Variants in HS2ST1 observed in about 807,000 individuals in gnomAD.
HS2ST1 encodes the protein 2-O-sulfotransferase.
Under a neutral mutation model 42.9 loss-of-function variants are expected in HS2ST1, and 18 were observed. That is an observed-to-expected ratio of 0.42 (90% CI 0.29 to 0.62). The LOEUF (loss-of-function observed/expected upper bound fraction) is 0.62, where lower values mean the gene tolerates loss of function less well. HS2ST1 is among the 20% of genes least tolerant of loss of function. The pLI is 0.21. For synonymous variants in HS2ST1, 146 were observed against 152.9 expected (o/e 0.95, Z 0.33); for missense variants, 334 against 433.8 (o/e 0.77, Z 2.04).
At chr1:87,022,419 A>G (rs1649976031) in intron 1 of HS2ST1, among the ~76,000 whole-genome samples, 1 of 152,216 alleles carries the variant, frequency 6.6e-6, no homozygotes, top group Non-Finnish European at 1.5e-5. Context: ...GCACCATAAA[A>G]AACACAGAGC....
In HS2ST1 at chr1:87,045,509, C is replaced by T. The variant is rs528856947; in HGVS notation, c.125-27425C>T. 11 of 878,878 alleles carry T rather than the reference C, an allele frequency of 1.3e-5. No individual in the cohort carries two copies. The African/African-American group carries it at 1.3e-4, about 10-fold the overall frequency. 54.4% of individuals were successfully genotyped at this position (878,878 alleles called of 1,614,324 possible). On this transcript the variant is annotated intron_variant, in intron 1 of 6. Coordinates refer to ENST00000370550, the MANE Select transcript of HS2ST1 (RefSeq NM_012262.4). ...GACATTCAGCCGTACAGTCACCTGG[C>T]TTGCTGGCACATATGTAACAATTGG... is the stretch of plus-strand genomic sequence containing the variant.
chr1:87,013,141 C>T (rs1297864925), intron 1 of HS2ST1, among the ~76,000 whole-genome samples: 1 of 152,192 alleles, frequency 6.6e-6, no homozygotes, highest in Non-Finnish European at 1.5e-5. Context: ...GTAGGTAGTT[C>T]CCCAGTGGGG....
At chr1:87,009,031 A>G (rs1280153885) in intron 1 of HS2ST1, among the ~76,000 whole-genome samples, 4 of 152,026 alleles carry the variant, frequency 2.6e-5, no homozygotes, top group Non-Finnish European at 1.5e-5. Context: ...TTCTCTAGAG[A>G]TGAGATTTTA....
intron 1 of HS2ST1, chr1:87,045,495 G>T: frequency 3.3e-6 from 3 of 917,856 alleles, no homozygotes; most frequent in Admixed American, 1.7e-5. Flanking sequence ...ACATTCAGCC[G>T]TACAGTCACC....
At chr1:86,951,708 C>G (rs1261349398) in intron 1 of HS2ST1, among the ~76,000 whole-genome samples, 1 of 152,186 alleles carries the variant, frequency 6.6e-6, no homozygotes, top group African/African-American at 2.4e-5. Flanking sequence ...TTAGATTTCT[C>G]TGTAGCACGG....
intron 1 of HS2ST1, among the ~76,000 whole-genome samples, chr1:86,971,302 AC>A (rs1648226429): frequency 2.6e-5 from 4 of 152,042 alleles, no homozygotes; most frequent in African/African-American, 9.7e-5. Context: ...ACAAAACAAA[AC>A]AAAACAAAAC....
At chr1:86,966,299 T>C (rs1310329042) in intron 1 of HS2ST1, among the ~76,000 whole-genome samples, 1 of 152,154 alleles carries the variant, frequency 6.6e-6, no homozygotes, top group East Asian at 1.9e-4. Flanking sequence ...AATACTACAA[T>C]ATGCTTCTCT....
At chr1:87,002,159 G>A (rs567713042) in intron 1 of HS2ST1, among the ~76,000 whole-genome samples, 42 of 148,086 alleles carry the variant, frequency 2.8e-4, no homozygotes, top group Admixed American at 9.4e-4. Flanking sequence ...TGATCCACCC[G>A]CTTCAGCCTC....
chr1:86,944,490 A>G (rs1023022433), intron 1 of HS2ST1, among the ~76,000 whole-genome samples: 1 of 151,858 alleles, frequency 6.6e-6, no homozygotes, highest in Admixed American at 6.6e-5. Flanking sequence ...GAGTAGCTGG[A>G]ATTATAGGTG....
intron 1 of HS2ST1, among the ~76,000 whole-genome samples, chr1:87,060,326 G>A (rs769835185): frequency 6.6e-6 from 1 of 151,836 alleles, no homozygotes; most frequent in African/African-American, 2.4e-5. Context: ...ATTTTAAAAG[G>A]CATTTGCAAA....
intron 1 of HS2ST1, among the ~76,000 whole-genome samples, chr1:86,925,956 G>A (rs1660408362): frequency 6.6e-6 from 1 of 152,070 alleles, no homozygotes; most frequent in Admixed American, 6.5e-5. Flanking sequence ...ATTTTACCTT[G>A]CTAGGTCCTG....
intron 1 of HS2ST1, among the ~76,000 whole-genome samples, chr1:86,916,042 CT>C (rs1185881079): frequency 6.6e-6 from 1 of 152,038 alleles, no homozygotes; most frequent in African/African-American, 2.4e-5. Flanking sequence ...ATGAGGGGGT[CT>C]AAAGTACAAA....
At chr1:86,965,797 A>T (rs1403380675) in intron 1 of HS2ST1, among the ~76,000 whole-genome samples, 1 of 152,202 alleles carries the variant, frequency 6.6e-6, no homozygotes, top group Non-Finnish European at 1.5e-5. Context: ...AATAGCATTA[A>T]AGTTAGAAAT....
In HS2ST1 at chr1:87,106,216, G is replaced by A. The variant is rs955627318; in HGVS notation, c.*1520G>A. Reference sequence around the variant, plus strand: ...TTAATCTTGATATAAATTTGTGTTTGATAAATATCCTCTCAGTGTTTTATC... The same window carrying A: ...TTAATCTTGATATAAATTTGTGTTTAATAAATATCCTCTCAGTGTTTTATC... On this transcript the variant is annotated 3_prime_UTR_variant, in exon 7 of 7. Coordinates refer to ENST00000370550, the MANE Select transcript of HS2ST1 (RefSeq NM_012262.4). The A allele has an allele frequency of 5.9e-5, 9 of 152,428 alleles. No homozygotes were observed. Among genetic ancestry groups the A allele is most frequent in the African/African-American group, 1.9e-4 (8 of 41,412 alleles). 9.4% of individuals were successfully genotyped at this position (152,428 alleles called of 1,614,324 possible).
At chr1:86,996,037 C>T (rs1303412654) in intron 1 of HS2ST1, among the ~76,000 whole-genome samples, 2 of 151,836 alleles carry the variant, frequency 1.3e-5, no homozygotes, top group Non-Finnish European at 2.9e-5. Context: ...CTCTTAAGCT[C>T]TAAAAAGATA....
chr1:86,920,567 A>G, intron 1 of HS2ST1, among the ~76,000 whole-genome samples: 1 of 152,192 alleles, frequency 6.6e-6, no homozygotes, highest in African/African-American at 2.4e-5. Flanking sequence ...GTTGATCTCA[A>G]TTAAGATAAT....
At chr1:86,964,675 T>A (rs1033328273) in intron 1 of HS2ST1, among the ~76,000 whole-genome samples, 5 of 152,184 alleles carry the variant, frequency 3.3e-5, no homozygotes, top group African/African-American at 4.8e-5. Context: ...GCTGTGTTTA[T>A]TAAATCTTAA....
chr1:86,951,230 A>G (rs1483768873), intron 1 of HS2ST1, among the ~76,000 whole-genome samples: 6 of 152,294 alleles, frequency 3.9e-5, no homozygotes, highest in African/African-American at 9.6e-5. Context: ...CATAGTCTCA[A>G]TGTCTTAAAG....
At position 87,019,545 on chromosome 1, in the gene HS2ST1, T is replaced by C. The variant is rs149989880; in HGVS notation, c.125-53389T>C. ...CATTAAATTGAATGCATTTATATTC[T>C]TATGTCACATTAGCATCACTTTAGC... On this transcript the variant is annotated intron_variant, in intron 1 of 6. Coordinates refer to ENST00000370550, the MANE Select transcript of HS2ST1 (RefSeq NM_012262.4). 5.3e-3 allele frequency among the ~76,000 whole-genome samples: 807 copies of C among 152,334 alleles called. 10 individuals are homozygous for C. The highest frequency in any genetic ancestry group is 0.018 in the African/African-American group (765 of 41,584).
Sources: gnomAD v4.1 joint callset for allele counts (sites outside exome capture counted in the v4.1 genomes callset) on GRCh38, gnomAD v4.1.1 for gene constraint, MANE v1.5 for transcripts, NCBI Gene and HGNC (gene_info 2026-07-23, HGNC 2026-07-21) for gene names.